The following PCDHGA5 variants were observed in gnomAD, a reference collection of about 807,000 sequenced individuals.
The protein encoded by PCDHGA5 is protocadherin gamma-A5.
PCDHGA5 carries 36 observed loss-of-function variants against 56.7 expected under a neutral mutation model. That is an observed-to-expected ratio of 0.64 (90% CI 0.49 to 0.84). The LOEUF (loss-of-function observed/expected upper bound fraction) is 0.84, where lower values mean the gene tolerates loss of function less well. PCDHGA5 is among the 40% of genes least tolerant of loss of function. The pLI is 0.00. For missense variants in PCDHGA5, 1,305 were observed against 1,201.5 expected (o/e 1.09, Z -1.27); for synonymous variants, 563 against 520.2 (o/e 1.08, Z -1.12).
rs184618404 is a variant in PCDHGA5 at position 141,365,071 on chromosome 5, C to T, written c.741C>T (p.Tyr247=). The T allele has an allele frequency of 3.7e-6, 6 of 1,613,868 alleles. No homozygotes were observed. The highest frequency in any genetic ancestry group is 5.1e-6 in the Non-Finnish European group (6 of 1,179,880). The part of the protein sequence containing the change: ...DNAPLFTPSE[Y]SVSVPENIPV... ...CGCCCCTGTTCACCCCATCCGAGTACAGCGTGAGTGTTCCAGAGAACATAC... is the reference window on the plus strand; with the variant it reads ...CGCCCCTGTTCACCCCATCCGAGTATAGCGTGAGTGTTCCAGAGAACATAC... Residue 247 remains tyrosine (Y), a synonymous_variant, in exon 1 of 4, where the codon TAC becomes TAT. Transcript: ENST00000518069.
At chr5:141,451,779 G>T (rs1284464259) in intron 1 of PCDHGA5, among the ~76,000 whole-genome samples, 1 of 152,070 alleles carries the variant, frequency 6.6e-6, no homozygotes, top group Non-Finnish European at 1.5e-5. Flanking sequence ...TACTCAGGAG[G>T]CTGAGGCCAG....
chr5:141,409,938 C>T (rs754052398), intron 1 of PCDHGA5: 114 of 1,613,200 alleles, frequency 7.1e-5, no homozygotes, highest in Admixed American at 4.3e-4. Flanking sequence ...GATATGGTAC[C>T]TCGCTCTGCA....
rs775037681 is a variant in PCDHGA5 at position 141,388,812 on chromosome 5, G to T, written c.2421+22061G>T. On this transcript the variant is annotated intron_variant, in intron 1 of 3. Transcript: ENST00000518069. Reference sequence around the variant, plus strand: ...TTTAAATACATTAGATTTTGAAGAAGTCAAAGAATATTCCATAGTTTTGGA... The same window carrying T: ...TTTAAATACATTAGATTTTGAAGAATTCAAAGAATATTCCATAGTTTTGGA... 2.1e-5 allele frequency: 34 copies of T among 1,613,816 alleles called. No homozygotes were observed. Among genetic ancestry groups the T allele is most frequent in the Non-Finnish European group, 2.8e-5 (33 of 1,179,866 alleles).
intron 1 of PCDHGA5, chr5:141,395,513 C>T: frequency 2.4e-6 from 1 of 420,938 alleles, no homozygotes; most frequent in South Asian, 3.5e-5. Context: ...GAAGTAGCTA[C>T]CCGTCCATAC....
At chr5:141,423,874 A>T (rs1264795133) in intron 1 of PCDHGA5, 2 of 1,283,268 alleles carry the variant, frequency 1.6e-6, no homozygotes, top group African/African-American at 3.1e-5. Flanking sequence ...GTCATTTTTC[A>T]ATCTTGGCAT....
chr5:141,469,992 G>T (rs894673835), intron 1 of PCDHGA5, among the ~76,000 whole-genome samples: 2 of 152,056 alleles, frequency 1.3e-5, no homozygotes, highest in Non-Finnish European at 2.9e-5. Context: ...TTAGCTGGTC[G>T]TCGTGGCACG....
intron 1 of PCDHGA5, chr5:141,400,128 G>A: frequency 6.2e-7 from 1 of 1,614,080 alleles, no homozygotes; most frequent in South Asian, 1.1e-5. Flanking sequence ...TGCAGGAGGT[G>A]CTGCCGGATA....
At chr5:141,392,766 C>T (rs1196100164) in intron 1 of PCDHGA5, 1 of 1,488,966 alleles carries the variant, frequency 6.7e-7, no homozygotes. Flanking sequence ...AAATAAGACC[C>T]ATTTATGCAC....
intron 1 of PCDHGA5, chr5:141,395,088 C>T (rs778953049): frequency 4.3e-6 from 7 of 1,614,194 alleles, no homozygotes; most frequent in African/African-American, 1.3e-5. Flanking sequence ...GGAAGTCTCC[C>T]TCACCGCCGA....
At chr5:141,509,069 G>T (rs1463164307) in intron 3 of PCDHGA5, among the ~76,000 whole-genome samples, 1 of 152,174 alleles carries the variant, frequency 6.6e-6, no homozygotes, top group Non-Finnish European at 1.5e-5. Flanking sequence ...CTCAGCTCCG[G>T]GGATTTGCGA....
intron 1 of PCDHGA5, among the ~76,000 whole-genome samples, chr5:141,387,411 G>A (rs2090933954): frequency 1.3e-5 from 2 of 152,196 alleles, no homozygotes; most frequent in Admixed American, 6.5e-5. Flanking sequence ...ATTGGGGAAA[G>A]CTTATGTCAA....
intron 1 of PCDHGA5, among the ~76,000 whole-genome samples, chr5:141,453,065 G>A (rs1308047230): frequency 3.3e-5 from 5 of 151,960 alleles, no homozygotes; most frequent in African/African-American, 1.2e-4. Flanking sequence ...TTAGAGTTTT[G>A]CCACACTCTG....
At chr5:141,451,050 G>A (rs915545429) in intron 1 of PCDHGA5, among the ~76,000 whole-genome samples, 6 of 151,352 alleles carry the variant, frequency 4.0e-5, no homozygotes, top group South Asian at 4.2e-4. Flanking sequence ...GGCTGGTCTC[G>A]AACTCCTGAC....
chr5:141,432,271 C>T lies in PCDHGA5; in HGVS notation c.2422-62536C>T. On this transcript the variant is annotated intron_variant, in intron 1 of 3. Transcript: ENST00000518069. The surrounding 1 kb of genome is among the most constrained non-coding windows in gnomAD (Gnocchi z 6.0). ...TCCAAGGGGCAAGCCTATCGTCCTA[C>T]GTGTCCATCAACTCCGACACTGGGG... is the stretch of plus-strand genomic sequence containing the variant. The T allele has an allele frequency of 6.2e-7, 1 of 1,614,264 alleles. No individual in the cohort carries two copies. Among genetic ancestry groups the T allele is most frequent in the Non-Finnish European group, 8.5e-7 (1 of 1,180,050 alleles).
At chr5:141,445,558 G>A (rs1172697298) in intron 1 of PCDHGA5, among the ~76,000 whole-genome samples, 1 of 152,172 alleles carries the variant, frequency 6.6e-6, no homozygotes, top group Non-Finnish European at 1.5e-5. Flanking sequence ...AAAGCACTAA[G>A]AGAAAGCTTA....
chr5:141,481,730 G>A (rs778885944), intron 1 of PCDHGA5, among the ~76,000 whole-genome samples: 1 of 151,952 alleles, frequency 6.6e-6, no homozygotes, highest in African/African-American at 2.4e-5. Context: ...GAGGCGGGCG[G>A]ATCACGAGGT....
intron 3 of PCDHGA5, among the ~76,000 whole-genome samples, chr5:141,510,553 A>G (rs1471878583): frequency 6.6e-6 from 1 of 152,162 alleles, no homozygotes; most frequent in Non-Finnish European, 1.5e-5. Context: ...TGTTTTGAGC[A>G]CTTACATCTA....
intron 1 of PCDHGA5, chr5:141,393,645 G>A (rs2092814255): frequency 6.2e-7 from 1 of 1,613,752 alleles, no homozygotes; most frequent in Non-Finnish European, 8.5e-7. Flanking sequence ...CGGAAAAGTG[G>A]CATACAAATT....
chr5:141,511,077 T>C lies in PCDHGA5; in HGVS notation c.2700T>C (p.Asn900=), dbSNP rs1279500774. ...YRQNVYIPGS[N]ATLTNAAGKR... is the part of the protein sequence containing the mutation. ...AGAATGTCTACATCCCAGGCAGCAA[T>C]GCCACACTGACCAACGCAGCTGGCA... is the stretch of plus-strand genomic sequence containing the variant. Residue 900 remains asparagine, a synonymous_variant, in exon 4 of 4, where the codon AAT becomes AAC. Transcript: ENST00000518069. 5 of 1,614,062 alleles carry C rather than the reference T, an allele frequency of 3.1e-6. No individual in the cohort carries two copies. The African/African-American group carries it at 6.7e-5, about 22-fold the overall frequency.
Sources: allele counts gnomAD v4.1 joint callset (sites outside exome capture counted in the v4.1 genomes callset), GRCh38; gene constraint gnomAD v4.1.1; non-coding constraint Gnocchi (gnomAD v3.1); transcripts MANE v1.5; gene names NCBI Gene and HGNC (gene_info 2026-07-23, HGNC 2026-07-21).